RGS7: variants seen among roughly 807,000 people sequenced by gnomAD.
The protein encoded by RGS7 is regulator of G protein signaling 7, also known as regulator of G-protein signaling 7.
A neutral mutation model predicts 81.1 loss-of-function variants in RGS7; 27 were observed. That is an observed-to-expected ratio of 0.33 (90% CI 0.25 to 0.46). The LOEUF is 0.46. RGS7 is among the 20% of genes least tolerant of loss of function. The probability of loss-of-function intolerance (pLI) is 1.00; values close to 1 mark genes in which losing one functional copy is unlikely to be tolerated. For synonymous variants in RGS7, 208 were observed against 207.7 expected, an observed-to-expected ratio of 1.00 and a Z score of -0.01; for missense variants, 396 against 607.4, an observed-to-expected ratio of 0.65 and a Z score of 3.66.
At chr1:240,853,644 G>A (rs988489652) in intron 9 of RGS7, among the ~76,000 whole-genome samples, 1 of 152,008 alleles carries the variant, frequency 6.6e-6, no homozygotes, top group Non-Finnish European at 1.5e-5. Flanking sequence ...AGTGACTCAC[G>A]CCTGAAACCC....
At chr1:241,002,763 T>C (rs2148635099) in intron 3 of RGS7, among the ~76,000 whole-genome samples, 1 of 152,282 alleles carries the variant, frequency 6.6e-6, no homozygotes, top group South Asian at 2.1e-4. Context: ...AGAAAACCAA[T>C]AGCAAAGCAG....
intron 3 of RGS7, among the ~76,000 whole-genome samples, chr1:241,058,985 AAC>A (rs537356964): frequency 6.6e-6 from 1 of 152,142 alleles, no homozygotes; most frequent in Non-Finnish European, 1.5e-5. Context: ...TGCCAAAGTC[AAC>A]AACACACTTC....
chr1:240,932,982 C>G (rs1207114072), intron 5 of RGS7, among the ~76,000 whole-genome samples: 2 of 139,330 alleles, frequency 1.4e-5, no homozygotes, highest in African/African-American at 5.4e-5. Flanking sequence ...CTCCCGGGTT[C>G]ACGCCATTCT....
At chr1:241,282,060 T>C (rs1028350382) in intron 2 of RGS7, among the ~76,000 whole-genome samples, 4 of 152,188 alleles carry the variant, frequency 2.6e-5, no homozygotes, top group Admixed American at 2.6e-4. Flanking sequence ...TTATGTGTGC[T>C]GAGGTTTGGT....
At chr1:241,093,952 C>T (rs920541631) in intron 3 of RGS7, among the ~76,000 whole-genome samples, 6 of 151,974 alleles carry the variant, frequency 3.9e-5, no homozygotes, top group South Asian at 2.1e-4. Context: ...AAAGGGAAGT[C>T]GAAGTCGAAA....
chr1:240,938,868 C>T (rs1677087085), intron 4 of RGS7, among the ~76,000 whole-genome samples: 1 of 151,494 alleles, frequency 6.6e-6, no homozygotes, highest in African/African-American at 2.4e-5. Context: ...TTTCAACATC[C>T]TTTCAGTTCA....
At chr1:240,778,286 G>T (rs144899892) in intron 18 of RGS7, among the ~76,000 whole-genome samples, 68 of 152,330 alleles carry the variant, frequency 4.5e-4, no homozygotes, top group African/African-American at 1.6e-3. Flanking sequence ...AGCGGGAAGG[G>T]ATCACAAATA....
chr1:241,208,347 T>A (rs10926432), intron 2 of RGS7, among the ~76,000 whole-genome samples: 16,123 of 152,166 alleles, frequency 0.11, 1,051 homozygotes, highest in East Asian at 0.24. Flanking sequence ...CCAGGCTTAG[T>A]AATGCACAGG....
chr1:241,006,910 T>C (rs1171076664), intron 3 of RGS7, among the ~76,000 whole-genome samples: 3 of 152,064 alleles, frequency 2.0e-5, no homozygotes, highest in Non-Finnish European at 4.4e-5. Flanking sequence ...ACTTTCTCTT[T>C]CTTCTTCTTC....
chr1:240,978,793 T>C (rs564651767), intron 4 of RGS7, among the ~76,000 whole-genome samples: 1 of 152,322 alleles, frequency 6.6e-6, no homozygotes, highest in East Asian at 1.9e-4. Context: ...TGAACTATTA[T>C]GTAAGAGATG....
intron 2 of RGS7, among the ~76,000 whole-genome samples, chr1:241,283,934 T>C (rs1369929453): frequency 6.6e-6 from 1 of 152,222 alleles, no homozygotes. Context: ...TCTTTGGTTA[T>C]TGTATTTTTT....
At chr1:240,994,881 C>T (rs1687036497) in intron 3 of RGS7, among the ~76,000 whole-genome samples, 1 of 151,812 alleles carries the variant, frequency 6.6e-6, no homozygotes, top group Admixed American at 6.6e-5. Context: ...CTATGTTGTC[C>T]AGCCAATGAT....
intron 2 of RGS7, among the ~76,000 whole-genome samples, chr1:241,199,232 G>A (rs749826709): frequency 3.5e-4 from 53 of 152,094 alleles, no homozygotes; most frequent in African/African-American, 4.3e-4. Flanking sequence ...CGAGGCGGGC[G>A]GATCATGAAG....
At chr1:240,901,505 C>T (rs1426815305) in intron 6 of RGS7, among the ~76,000 whole-genome samples, 1 of 152,202 alleles carries the variant, frequency 6.6e-6, no homozygotes, top group Non-Finnish European at 1.5e-5. Context: ...ACCACGTATT[C>T]CAAGGGCTCG....
At chr1:241,337,340 CA>C (rs1330263561) in intron 2 of RGS7, among the ~76,000 whole-genome samples, 1 of 152,042 alleles carries the variant, frequency 6.6e-6, no homozygotes, top group African/African-American at 2.4e-5. Flanking sequence ...AGAAGTTGAA[CA>C]ATCATTTAAT....
intron 3 of RGS7, among the ~76,000 whole-genome samples, chr1:241,059,197 A>T (rs1269457353): frequency 6.6e-6 from 1 of 152,020 alleles, no homozygotes; most frequent in African/African-American, 2.4e-5. Flanking sequence ...CAATGTTGGG[A>T]TCTCCCAAGG....
Position 241,183,716 on chromosome 1 carries a change from T to C in RGS7, c.79-84954A>G, listed in dbSNP as rs148668794. On this transcript the variant is annotated intron_variant, in intron 2 of 18. Transcript: ENST00000440928. ...GCCTCCCACATATTCCCACCTGAAT[T>C]CTAGTAAGAGAGTAAGAGAAAGAGG... Among the ~76,000 whole-genome samples, 20 of 152,334 alleles carry C rather than the reference T, an allele frequency of 1.3e-4. No individual in the cohort carries two copies. In the East Asian group the frequency reaches 3.7e-3, roughly 28 times the overall value.
chr1:241,200,601 T>G (rs1051772649), intron 2 of RGS7, among the ~76,000 whole-genome samples: 2 of 152,166 alleles, frequency 1.3e-5, no homozygotes, highest in Admixed American at 1.3e-4. Flanking sequence ...GAGCAACACA[T>G]TCCCCTGCCC....
rs140920362 is a variant in RGS7, at chr1:241,018,285, G to A, written c.176-35156C>T. 3.9e-4 allele frequency among the ~76,000 whole-genome samples: 59 copies of A among 151,718 alleles called. 1 individual carries two copies. The highest frequency in any genetic ancestry group is 1.1e-3 in the African/African-American group (44 of 41,376). ...GGCATGAGCCACCATACCCTGCCTCGCCTTGTCTCTTTAGACTGTGTTTTT... is the reference window on the plus strand; with the variant it reads ...GGCATGAGCCACCATACCCTGCCTCACCTTGTCTCTTTAGACTGTGTTTTT... On this transcript the variant is annotated intron_variant, in intron 3 of 18. Transcript: ENST00000440928.
Sources: allele counts gnomAD v4.1 joint callset (sites outside exome capture counted in the v4.1 genomes callset), GRCh38; gene constraint gnomAD v4.1.1; transcripts MANE v1.5; gene names NCBI Gene and HGNC (gene_info 2026-07-23, HGNC 2026-07-21).